The following RNF115 variants were observed in gnomAD, a reference collection of about 807,000 sequenced individuals.
The protein encoded by RNF115 is E3 ubiquitin-protein ligase RNF115.
Under a neutral mutation model 39.2 loss-of-function variants are expected in RNF115, and 31 were observed. The ratio of observed to expected loss-of-function variants is 0.79; its 90% confidence interval spans 0.59 to 1.07. The LOEUF (loss-of-function observed/expected upper bound fraction) is 1.07, where lower values mean the gene tolerates loss of function less well. RNF115 is among the 50% of genes least tolerant of loss of function. RNF115 has a pLI of 0.00. For missense variants in RNF115, 384 were observed against 381.7 expected (o/e 1.01, Z -0.05); for synonymous variants, 124 against 131.0 (o/e 0.95, Z 0.37).
intron 1 of RNF115, among the ~76,000 whole-genome samples, chr1:145,811,908 A>AAAAAAAAAAAAATATAT (rs1553722706): frequency 1.8e-5 from 1 of 55,150 alleles, no homozygotes; most frequent in African/African-American, 5.7e-5. Flanking sequence ...AAAAAAAAAA[A>AAAAAAAAAAAAATATAT]ATATATATAT....
At chr1:145,815,350 C>G (rs1314327137) in intron 1 of RNF115, among the ~76,000 whole-genome samples, 1 of 152,296 alleles carries the variant, frequency 6.6e-6, no homozygotes, top group Non-Finnish European at 1.5e-5. Context: ...ATCTCTTCAT[C>G]TGGATTTAGG....
chr1:145,808,056 CATATATAT>C, intron 1 of RNF115, among the ~76,000 whole-genome samples: 1 of 151,120 alleles, frequency 6.6e-6, no homozygotes, highest in East Asian at 1.9e-4. Flanking sequence ...TATTCTCTTG[CATATATAT>C]ATATATACCA....
rs587697666 is a variant in RNF115 at position 145,785,379 on chromosome 1, A to C, written c.162-783T>G. On this transcript the variant is annotated intron_variant, in intron 2 of 8. Transcript: ENST00000582693. ...TCACCTTTTAAAATCCTGCAATGTCAATATCCTATATTGACACTCAAAAGT... is the reference window on the plus strand; with the variant it reads ...TCACCTTTTAAAATCCTGCAATGTCCATATCCTATATTGACACTCAAAAGT... 1.9e-3 allele frequency among the ~76,000 whole-genome samples: 283 copies of C among 152,332 alleles called. 2 individuals are homozygous for C. The highest frequency in any genetic ancestry group is 3.1e-3 in the Admixed American group (48 of 15,304).
At chr1:145,819,266 T>G in intron 1 of RNF115, among the ~76,000 whole-genome samples, 1 of 102,176 alleles carries the variant, frequency 9.8e-6, no homozygotes. Context: ...CGAAACCTTA[T>G]CTCTCAAAAA....
chr1:145,794,778 G>T (rs1648868980), intron 1 of RNF115, among the ~76,000 whole-genome samples: 1 of 151,726 alleles, frequency 6.6e-6, no homozygotes, highest in African/African-American at 2.4e-5. Context: ...AGCACTTTGG[G>T]AGGCCGAGGA....
In RNF115 at chr1:145,746,743, T is replaced by G; in HGVS notation, c.*123A>C. 1.1e-6 allele frequency: 1 copy of G among 928,564 alleles called. No individual in the cohort carries two copies. The highest frequency in any genetic ancestry group is 1.6e-6 in the Non-Finnish European group (1 of 629,286). 57.5% of individuals were successfully genotyped at this position (928,564 alleles called of 1,614,324 possible). On this transcript the variant is annotated 3_prime_UTR_variant, in exon 9 of 9. Transcript: ENST00000582693. ...TTAAAGAAGAAAAACATTCATTGCA[T>G]TTATATTATGTGTTGAGTTTCTTAC...
chr1:145,811,883 CAAA>C (rs67086842), intron 1 of RNF115, among the ~76,000 whole-genome samples: 45 of 35,848 alleles, frequency 1.3e-3, no homozygotes, highest in African/African-American at 2.4e-3. Context: ...TTCTGTCTCA[CAAA>C]AAAAAAAAAA....
intron 4 of RNF115, among the ~76,000 whole-genome samples, chr1:145,755,915 A>G (rs782628202): frequency 6.6e-6 from 1 of 152,194 alleles, no homozygotes; most frequent in Non-Finnish European, 1.5e-5. Context: ...TAATCTAGCT[A>G]AAGTGATTTC....
intron 1 of RNF115, among the ~76,000 whole-genome samples, chr1:145,806,934 A>T (rs1553721664): frequency 6.6e-6 from 1 of 152,252 alleles, no homozygotes; most frequent in Non-Finnish European, 1.5e-5. Context: ...CCTCCTGAGC[A>T]GCTGGGATTA....
At chr1:145,804,484 A>AATGC (rs1159444200) in intron 1 of RNF115, among the ~76,000 whole-genome samples, 4 of 128,908 alleles carry the variant, frequency 3.1e-5, no homozygotes, top group Non-Finnish European at 1.6e-5. Context: ...GTCCACCTTA[A>AATGC]ATGCATGCAT....
At chr1:145,808,471 G>T (rs1476126341) in intron 1 of RNF115, among the ~76,000 whole-genome samples, 1 of 151,986 alleles carries the variant, frequency 6.6e-6, no homozygotes, top group Non-Finnish European at 1.5e-5. Flanking sequence ...ATACCTGTTG[G>T]CCATTTATAT....
At chr1:145,775,984 C>G (rs1249495068) in intron 3 of RNF115, among the ~76,000 whole-genome samples, 1 of 151,014 alleles carries the variant, frequency 6.6e-6, no homozygotes, top group Non-Finnish European at 1.5e-5. Context: ...GGCAACAGAG[C>G]AAGACCCTGT....
chr1:145,772,941 A>G (rs1647707065), intron 3 of RNF115: 1 of 152,140 alleles, frequency 6.6e-6, no homozygotes, highest in African/African-American at 2.4e-5. Context: ...CAGTGGACCT[A>G]TCTCCAAGTT....
chr1:145,787,265 T>TC (rs1648424262), intron 2 of RNF115, among the ~76,000 whole-genome samples: 1 of 152,334 alleles, frequency 6.6e-6, no homozygotes, highest in Admixed American at 6.5e-5. Context: ...TCAATGCTAT[T>TC]CTAAAATTTA....
At chr1:145,788,488 A>C (rs587698775) in intron 2 of RNF115, among the ~76,000 whole-genome samples, 1 of 152,328 alleles carries the variant, frequency 6.6e-6, no homozygotes, top group Non-Finnish European at 1.5e-5. Flanking sequence ...CTTTGTCAGA[A>C]GTCACTCCCT....
Position 145,771,717 on chromosome 1 carries a change from A to G in RNF115, c.422T>C (p.Ile141Thr). The change falls in exon 4 of 9, where the codon ATT becomes ACT. Residue 141 changes from isoleucine to threonine, a missense_variant. By Grantham distance (89) the Ile-to-Thr change is moderately conservative (BLOSUM62 -1). Transcript: ENST00000582693. ...TTAAAATAAAACAACTCACCCTTCA[A>G]TAGCTGGAGATCTGTCAGGACGAGA... ...GSSRPDRSPA[I>T]EGILQHIFAG... The G allele has an allele frequency of 1.9e-6, 3 of 1,613,348 alleles. No individual in the cohort carries two copies. The highest frequency in any genetic ancestry group is 2.5e-6 in the Non-Finnish European group (3 of 1,179,604).
chr1:145,776,090 A>AGC (rs1289425088), intron 3 of RNF115, among the ~76,000 whole-genome samples: 22 of 147,458 alleles, frequency 1.5e-4, no homozygotes, highest in South Asian at 4.3e-4. Flanking sequence ...CCACAGGGTA[A>AGC]GGGGGGGGCT....
At chr1:145,794,974 G>A (rs1453166113) in intron 1 of RNF115, among the ~76,000 whole-genome samples, 4 of 137,752 alleles carry the variant, frequency 2.9e-5, no homozygotes, top group African/African-American at 1.1e-4. Flanking sequence ...CCTAGATCGC[G>A]CCACCGCACT....
chr1:145,778,123 A>G (rs1202697793), intron 3 of RNF115, among the ~76,000 whole-genome samples: 3 of 152,244 alleles, frequency 2.0e-5, no homozygotes, highest in Non-Finnish European at 4.4e-5. Flanking sequence ...AATGTGGAAT[A>G]TCCATACCAT....
Sources: gnomAD v4.1 joint callset for allele counts (sites outside exome capture counted in the v4.1 genomes callset) on GRCh38, gnomAD v4.1.1 for gene constraint, MANE v1.5 for transcripts, NCBI Gene and HGNC (gene_info 2026-07-23, HGNC 2026-07-21) for gene names.